Variants in ZNF804B observed in about 807,000 individuals in gnomAD.
ZNF804B encodes the protein zinc finger protein 804B, also known as zinc finger 804B.
A neutral mutation model predicts 101.4 loss-of-function variants in ZNF804B; 80 were observed. The ratio of observed to expected loss-of-function variants is 0.79; its 90% confidence interval spans 0.66 to 0.95. ZNF804B has a LOEUF of 0.95. ZNF804B is among the 40% of genes least tolerant of loss of function. The probability of loss-of-function intolerance (pLI) is 0.00; values close to 1 mark genes in which losing one functional copy is unlikely to be tolerated. For synonymous variants in ZNF804B, 622 were observed against 558.8 expected, an observed-to-expected ratio of 1.11 and a Z score of -1.59; for missense variants, 1,673 against 1,561.9, an observed-to-expected ratio of 1.07 and a Z score of -1.20.
rs73393282 is a variant in ZNF804B at position 89,136,348 on chromosome 7, T to C, written c.109-81807T>C. Among the ~76,000 whole-genome samples, 627 of 152,210 alleles carry C rather than the reference T, an allele frequency of 4.1e-3. 6 individuals are homozygous for C. Among genetic ancestry groups the C allele is most frequent in the African/African-American group, 0.014 (598 of 41,562 alleles). On this transcript the variant is annotated intron_variant, in intron 1 of 3. Transcript: ENST00000333190. Reference sequence around the variant, plus strand: ...TTTTTTGGGGGGGTCTCAATTTCTTTACTGTGATAAAATATGAATAATATA... The same window carrying C: ...TTTTTTGGGGGGGTCTCAATTTCTTCACTGTGATAAAATATGAATAATATA...
chr7:89,027,449 A>G (rs940200284), intron 1 of ZNF804B, among the ~76,000 whole-genome samples: 1 of 152,216 alleles, frequency 6.6e-6, no homozygotes, highest in Non-Finnish European at 1.5e-5. Context: ...TGAGTTTAGC[A>G]TTTATAACAG....
At chr7:89,082,226 T>C (rs1448878678) in intron 1 of ZNF804B, among the ~76,000 whole-genome samples, 2 of 151,648 alleles carry the variant, frequency 1.3e-5, no homozygotes, top group African/African-American at 2.4e-5. Context: ...TCAACAGCCA[T>C]CCTAAATTAT....
chr7:89,329,593 A>T (rs1443352709), intron 3 of ZNF804B, among the ~76,000 whole-genome samples: 1 of 151,546 alleles, frequency 6.6e-6, no homozygotes, highest in Non-Finnish European at 1.5e-5. Context: ...AAAAATGGTA[A>T]CAGATCTTAT....
chr7:88,775,906 G>A (rs543921777), intron 1 of ZNF804B, among the ~76,000 whole-genome samples: 4 of 152,200 alleles, frequency 2.6e-5, no homozygotes, highest in African/African-American at 9.6e-5. Flanking sequence ...CTTGATTCAT[G>A]CATTTCTGCA....
intron 1 of ZNF804B, among the ~76,000 whole-genome samples, chr7:89,216,563 A>T (rs1047877423): frequency 1.3e-5 from 2 of 152,192 alleles, no homozygotes; most frequent in African/African-American, 2.4e-5. Context: ...CTAGAATGTA[A>T]CCAAATTCTT....
chr7:89,329,387 G>T (rs1321930161), intron 3 of ZNF804B, among the ~76,000 whole-genome samples: 1 of 151,696 alleles, frequency 6.6e-6, no homozygotes, highest in Non-Finnish European at 1.5e-5. Flanking sequence ...TTTAGTAGGT[G>T]AATTGACAAG....
rs1791271620 is a variant in ZNF804B at position 88,839,973 on chromosome 7, A to G, written c.108+79889A>G. Among the ~76,000 whole-genome samples, 3 of 152,120 alleles carry G rather than the reference A, an allele frequency of 2.0e-5. 1 individual carries two copies. In the South Asian group the frequency reaches 6.2e-4, roughly 32 times the overall value. ...GGTGCTAGCCCTTTTCCATTAGAAG[A>G]GAGTTTGCAAAGAAGCTGTTCTCCA... On this transcript the variant is annotated intron_variant, in intron 1 of 3. Transcript: ENST00000333190.
At chr7:88,946,772 A>G (rs577425150) in intron 1 of ZNF804B, among the ~76,000 whole-genome samples, 1 of 151,974 alleles carries the variant, frequency 6.6e-6, no homozygotes, top group African/African-American at 2.4e-5. Context: ...TACTGCCTCA[A>G]TTTCAGAACT....
At chr7:89,187,242 T>C (rs1455937052) in intron 1 of ZNF804B, among the ~76,000 whole-genome samples, 1 of 152,144 alleles carries the variant, frequency 6.6e-6, no homozygotes, top group African/African-American at 2.4e-5. Context: ...TTTCCAAATC[T>C]TTTTCTTTTG....
At chr7:88,886,071 C>T (rs1008868816) in intron 1 of ZNF804B, among the ~76,000 whole-genome samples, 2 of 151,916 alleles carry the variant, frequency 1.3e-5, no homozygotes, top group Admixed American at 6.6e-5. Flanking sequence ...TTACATTTCA[C>T]CATAAGATAT....
chr7:89,002,627 A>ATCATGT (rs1334849801), intron 1 of ZNF804B, among the ~76,000 whole-genome samples: 1 of 151,964 alleles, frequency 6.6e-6, no homozygotes, highest in East Asian at 1.9e-4. Flanking sequence ...TTTATCTACT[A>ATCATGT]TCATGTTATT....
intron 2 of ZNF804B, among the ~76,000 whole-genome samples, chr7:89,258,977 GA>G (rs1464104261): frequency 6.6e-6 from 1 of 151,524 alleles, no homozygotes; most frequent in Non-Finnish European, 1.5e-5. Context: ...ATTTCTGTCT[GA>G]TTTTTTTTTT....
chr7:89,321,214 C>T (rs1286685792), intron 2 of ZNF804B, among the ~76,000 whole-genome samples: 1 of 152,156 alleles, frequency 6.6e-6, no homozygotes, highest in African/African-American at 2.4e-5. Context: ...GGCACGTTGG[C>T]TCACGCCTGT....
chr7:88,882,090 C>T (rs935836032), intron 1 of ZNF804B, among the ~76,000 whole-genome samples: 2 of 152,086 alleles, frequency 1.3e-5, no homozygotes, highest in Admixed American at 6.6e-5. Context: ...AACGAAAGCT[C>T]CAGTGCTCAG....
At chr7:88,985,177 A>G (rs1042093981) in intron 1 of ZNF804B, among the ~76,000 whole-genome samples, 3 of 151,744 alleles carry the variant, frequency 2.0e-5, no homozygotes, top group Non-Finnish European at 4.4e-5. Context: ...GGATGAATGA[A>G]TTTCCAAAAA....
In ZNF804B at chr7:88,869,757, G is replaced by A. The variant is rs1791786540; in HGVS notation, c.108+109673G>A. Among the ~76,000 whole-genome samples, 5 of 152,060 alleles carry A rather than the reference G, an allele frequency of 3.3e-5. No individual in the cohort carries two copies. In the South Asian group the frequency reaches 1.0e-3, roughly 31 times the overall value. ...CCTGGAGTTGCATGTTTAATCCAAA[G>A]GTAGACTTGCAAGTATTACTGACTT... On this transcript the variant is annotated intron_variant, in intron 1 of 3. Transcript: ENST00000333190.
intron 1 of ZNF804B, among the ~76,000 whole-genome samples, chr7:88,998,856 G>A (rs1788240845): frequency 6.6e-6 from 1 of 151,994 alleles, no homozygotes; most frequent in Non-Finnish European, 1.5e-5. Flanking sequence ...TAATGAGCCT[G>A]CATTAACTCT....
chr7:89,197,479 A>AT (rs1229757157), intron 1 of ZNF804B, among the ~76,000 whole-genome samples: 1 of 151,934 alleles, frequency 6.6e-6, no homozygotes, highest in Admixed American at 6.6e-5. Context: ...TGTAGTCTGC[A>AT]TAAAAATCCT....
At chr7:89,125,315 G>T (rs909019832) in intron 1 of ZNF804B, among the ~76,000 whole-genome samples, 2 of 151,616 alleles carry the variant, frequency 1.3e-5, no homozygotes, top group Admixed American at 1.3e-4. Flanking sequence ...TGAAGATATA[G>T]ATATTGATAT....
Sources: allele counts gnomAD v4.1 joint callset (sites outside exome capture counted in the v4.1 genomes callset), GRCh38; gene constraint gnomAD v4.1.1; transcripts MANE v1.5; gene names NCBI Gene and HGNC (gene_info 2026-07-23, HGNC 2026-07-21).